The following ROR1 variants were observed in gnomAD, a reference collection of about 807,000 sequenced individuals.
The protein encoded by ROR1 is ROR family WNT receptor 1.
Under a neutral mutation model 78.8 loss-of-function variants are expected in ROR1, and 19 were observed. The observed-to-expected ratio is 0.24, with a 90% CI of 0.17 to 0.35. The LOEUF is 0.35. ROR1 is among the 10% of genes least tolerant of loss of function. The pLI is 1.00. For missense variants in ROR1, 917 were observed against 1,177.8 expected (o/e 0.78, Z 3.24); for synonymous variants, 386 against 433.6 (o/e 0.89, Z 1.36).
chr1:64,152,110 C>A (rs532181662), intron 7 of ROR1, among the ~76,000 whole-genome samples: 9 of 152,218 alleles, frequency 5.9e-5, no homozygotes, highest in Non-Finnish European at 1.2e-4. Flanking sequence ...TATGCAAAAT[C>A]TGATTTTTTT....
intron 1 of ROR1, among the ~76,000 whole-genome samples, chr1:63,840,530 C>T (rs2100313036): frequency 6.6e-6 from 1 of 152,232 alleles, no homozygotes; most frequent in East Asian, 1.9e-4. Context: ...GATCTGCCCG[C>T]CTTGGCATCC....
chr1:64,083,900 T>C (rs1477941666), intron 4 of ROR1, among the ~76,000 whole-genome samples: 1 of 152,194 alleles, frequency 6.6e-6, no homozygotes, highest in African/African-American at 2.4e-5. Context: ...ATACTGTTAT[T>C]CCTTAAGAAA....
intron 2 of ROR1, among the ~76,000 whole-genome samples, chr1:64,032,769 G>A (rs939921247): frequency 3.3e-5 from 5 of 152,176 alleles, no homozygotes; most frequent in Non-Finnish European, 5.9e-5. Flanking sequence ...AAGGATTTAG[G>A]ACCCACAAAA....
At chr1:64,038,121 A>G (rs926794461) in intron 2 of ROR1, among the ~76,000 whole-genome samples, 4 of 152,032 alleles carry the variant, frequency 2.6e-5, no homozygotes, top group Non-Finnish European at 5.9e-5. Flanking sequence ...TCCCCCCTCC[A>G]TGTCCGCACA....
chr1:63,875,372 G>A lies in ROR1; in HGVS notation c.91+100864G>A, dbSNP rs141001156. Among the ~76,000 whole-genome samples, 104 of 152,224 alleles carry A rather than the reference G, an allele frequency of 6.8e-4. 1 individual carries two copies. In the Middle Eastern group the frequency reaches 0.024, roughly 35 times the overall value. ...CAGCAAGGCTTTAGAATTAGACAGG[G>A]CTATGTTTAAATCTTAGCTCTGCTG... On this transcript the variant is annotated intron_variant, in intron 1 of 8. Transcript: ENST00000371079.
chr1:63,779,195 G>GT (rs2100217928), intron 1 of ROR1, among the ~76,000 whole-genome samples: 1 of 152,272 alleles, frequency 6.6e-6, no homozygotes, highest in African/African-American at 2.4e-5. Flanking sequence ...GTGCTCGCCA[G>GT]TTTTTTCCAA....
rs1557609644 is a variant in ROR1, at chr1:64,014,748, A to ATG, written c.163+5373_163+5374insGT. On this transcript the variant is annotated intron_variant, in intron 2 of 8. Transcript: ENST00000371079. ...ATATACACATACGCACACTATATAT[A>ATG]TATATATATATATATATATATATAT... 4.8e-3 allele frequency among the ~76,000 whole-genome samples: 86 copies of ATG among 17,880 alleles called. 4 individuals are homozygous for ATG. The highest frequency in any genetic ancestry group is 0.059 in the Middle Eastern group (2 of 34). 11.7% of individuals were successfully genotyped at this position (17,880 alleles called of 152,430 possible).
At chr1:64,158,927 A>T in intron 7 of ROR1, 54 bp from the exon 8 acceptor site, 1 of 1,308,926 alleles carries the variant, frequency 7.6e-7, no homozygotes, top group South Asian at 1.2e-5. Flanking sequence ...ATGTAATATT[A>T]TGCATGTTAC....
chr1:64,052,950 C>T (rs1646845391), intron 4 of ROR1, among the ~76,000 whole-genome samples: 1 of 152,168 alleles, frequency 6.6e-6, no homozygotes, highest in South Asian at 2.1e-4. Flanking sequence ...GAGACTAACT[C>T]CCAGAAAGAA....
At position 63,774,474 on chromosome 1, in the gene ROR1, G is replaced by T. The variant is rs12755085; in HGVS notation, c.57G>T (p.Ala19=). The stretch of plus-strand genomic sequence containing the variant: ...CGCCGCTCCTGGCGCTGCTGGCCGC[G>T]CTGCTGCTGGCCGCACGCGGGGCTG... ...TRPPLLALLA[A]LLLAARGAAA... The change falls in exon 1 of 9, where the codon GCG becomes GCT. Residue 19 remains alanine, a synonymous_variant. Coordinates refer to ENST00000371079, the MANE Select transcript of ROR1 (RefSeq NM_005012.4). This position sits in a 1 kb window ranked among gnomAD's most constrained non-coding sequence, Gnocchi z 5.7. 3 of 1,160,536 alleles carry T rather than the reference G, an allele frequency of 2.6e-6. No homozygotes were observed. Among genetic ancestry groups the T allele is most frequent in the Non-Finnish European group, 3.2e-6 (3 of 947,208 alleles). The allele number at this position is 1,160,536 out of a possible 1,614,324, so 71.9% of individuals were successfully genotyped here.
intron 1 of ROR1, among the ~76,000 whole-genome samples, chr1:63,864,530 G>A (rs1311495919): frequency 6.6e-6 from 1 of 152,068 alleles, no homozygotes. Flanking sequence ...GGGGGTAGGC[G>A]GTTTGGTGGT....
intron 1 of ROR1, among the ~76,000 whole-genome samples, chr1:63,802,371 G>A (rs1024334638): frequency 1.3e-5 from 2 of 152,118 alleles, no homozygotes; most frequent in African/African-American, 4.8e-5. Flanking sequence ...TAGTTATGTG[G>A]AGGTTGGTTA....
At chr1:63,890,928 A>G (rs1448479777) in intron 1 of ROR1, among the ~76,000 whole-genome samples, 1 of 152,154 alleles carries the variant, frequency 6.6e-6, no homozygotes, top group Non-Finnish European at 1.5e-5. Context: ...ATCACCCAAA[A>G]TATAGTGTAT....
At chr1:64,113,250 T>A (rs1210615603) in intron 4 of ROR1, among the ~76,000 whole-genome samples, 1 of 152,194 alleles carries the variant, frequency 6.6e-6, no homozygotes, top group Non-Finnish European at 1.5e-5. Context: ...GGGAAGAGAT[T>A]GTATTTTCTT....
chr1:63,907,620 AG>A (rs1645539328), intron 1 of ROR1, among the ~76,000 whole-genome samples: 1 of 152,202 alleles, frequency 6.6e-6, no homozygotes, highest in Non-Finnish European at 1.5e-5. Context: ...AAGTTCACTG[AG>A]CCTTTGAATC....
chr1:64,050,105 A>G, intron 3 of ROR1, 127 bp downstream of exon 3: 1 of 1,074,342 alleles, frequency 9.3e-7, no homozygotes, highest in Non-Finnish European at 1.3e-6. Context: ...CCACAACCCT[A>G]AACCTGGTAT....
rs934931417 is a variant in ROR1, at chr1:63,894,449, C to G, written c.92-114856C>G. On this transcript the variant is annotated intron_variant, in intron 1 of 8. Transcript: ENST00000371079. ...CCATTGCATTGATCTCTGCAAAAACCCTTCCCATTCATTAATGCATTCCTC... is the reference window on the plus strand; with the variant it reads ...CCATTGCATTGATCTCTGCAAAAACGCTTCCCATTCATTAATGCATTCCTC... 9.8e-5 allele frequency among the ~76,000 whole-genome samples: 7 copies of G among 71,440 alleles called. No homozygotes were observed. In the Admixed American group the frequency reaches 1.1e-3, roughly 11 times the overall value. The allele number at this position is 71,440 out of a possible 152,430, so 46.9% of individuals were successfully genotyped here. A position where few individuals can be genotyped will look rare whatever the true frequency, so the allele number is the denominator to read the frequency against.
chr1:64,154,997 A>G (rs1229636688), intron 7 of ROR1, among the ~76,000 whole-genome samples: 1 of 152,160 alleles, frequency 6.6e-6, no homozygotes, highest in East Asian at 1.9e-4. Flanking sequence ...TCTTAAGGAG[A>G]ATGATGAAAA....
intron 1 of ROR1, among the ~76,000 whole-genome samples, chr1:63,842,128 A>G (rs1368714377): frequency 1.3e-5 from 2 of 152,154 alleles, no homozygotes; most frequent in Non-Finnish European, 2.9e-5. Context: ...CAGAAGTAAT[A>G]TTTGATTCCT....
Sources: gnomAD v4.1 joint callset for allele counts (sites outside exome capture counted in the v4.1 genomes callset) on GRCh38, gnomAD v4.1.1 for gene constraint, Gnocchi (gnomAD v3.1) non-coding constraint, MANE v1.5 for transcripts, NCBI Gene and HGNC (gene_info 2026-07-23, HGNC 2026-07-21) for gene names.